CACNA2D1: variants seen among roughly 807,000 people sequenced by gnomAD.
CACNA2D1 encodes calcium voltage-gated channel auxiliary subunit alpha2delta 1.
A neutral mutation model predicts 171.5 loss-of-function variants in CACNA2D1; 53 were observed. That is an observed-to-expected ratio of 0.31 (90% CI 0.25 to 0.39). The LOEUF (loss-of-function observed/expected upper bound fraction) is 0.39. Among genes scored for constraint, CACNA2D1 ranks in the 10% least tolerant of loss-of-function variants. CACNA2D1 has a pLI of 1.00. For missense variants in CACNA2D1, 903 were observed against 1,299.8 expected (o/e 0.69, Z 4.69); for synonymous variants, 442 against 443.1 (o/e 1.00, Z 0.03).
At chr7:82,219,416 T>C (rs553180149) in intron 3 of CACNA2D1, among the ~76,000 whole-genome samples, 1 of 152,238 alleles carries the variant, frequency 6.6e-6, no homozygotes, top group South Asian at 2.1e-4. Context: ...CCATTCCACA[T>C]CTACATTTCT....
At chr7:82,306,913 G>A (rs1585421840) in intron 3 of CACNA2D1, among the ~76,000 whole-genome samples, 1 of 149,756 alleles carries the variant, frequency 6.7e-6, no homozygotes, top group African/African-American at 2.4e-5. Flanking sequence ...AATCTCTCTT[G>A]GCAAAAACAA....
intron 1 of CACNA2D1, among the ~76,000 whole-genome samples, chr7:82,397,918 G>C (rs4140790): frequency 6.6e-5 from 10 of 152,010 alleles, no homozygotes; most frequent in Non-Finnish European, 1.3e-4. Context: ...AAGGGGAAAA[G>C]AGCAAACTGG....
intron 1 of CACNA2D1, among the ~76,000 whole-genome samples, chr7:82,411,437 A>T (rs3779449): frequency 0.22 from 33,933 of 152,070 alleles, 4,122 homozygotes; most frequent in East Asian, 0.46. Flanking sequence ...TATAAGCAAA[A>T]CACTACCATA....
rs181179721 is a variant in CACNA2D1, at chr7:82,253,966, A to T, written c.294+81169T>A. ...GATTCTGTGCTTGAGGAGTGTTTCT[A>T]TTCCAACTTAAAAACAAAGCATTAA... is the stretch of plus-strand genomic sequence containing the variant. On this transcript the variant is annotated intron_variant, in intron 3 of 38. Coordinates refer to ENST00000356860, the MANE Select transcript of CACNA2D1 (RefSeq NM_000722.4). 1.4e-3 allele frequency among the ~76,000 whole-genome samples: 210 copies of T among 152,282 alleles called. No homozygotes were observed. The Middle Eastern group carries it at 0.017, about 12-fold the overall frequency.
intron 1 of CACNA2D1, among the ~76,000 whole-genome samples, chr7:82,377,123 G>A (rs1823105309): frequency 6.6e-6 from 1 of 152,144 alleles, no homozygotes; most frequent in African/African-American, 2.4e-5. Context: ...AGGAAAATCT[G>A]GATGAATTGT....
At chr7:82,102,137 G>A (rs1427010620) in intron 6 of CACNA2D1, among the ~76,000 whole-genome samples, 1 of 151,926 alleles carries the variant, frequency 6.6e-6, no homozygotes, top group African/African-American at 2.4e-5. Flanking sequence ...GGACTAAAGA[G>A]AAAAAGGATA....
intron 1 of CACNA2D1, among the ~76,000 whole-genome samples, chr7:82,432,685 A>G (rs1829793056): frequency 6.6e-6 from 1 of 152,310 alleles, no homozygotes; most frequent in Admixed American, 6.5e-5. Context: ...TTTTCTTGAC[A>G]AGGATCTGTT....
intron 1 of CACNA2D1, among the ~76,000 whole-genome samples, chr7:82,368,061 G>T (rs1376927713): frequency 6.6e-6 from 1 of 152,112 alleles, no homozygotes; most frequent in East Asian, 1.9e-4. Flanking sequence ...GTAATCAAGA[G>T]TAATGATCTC....
At chr7:81,967,255 TTAATTA>T (rs772226248) in intron 30 of CACNA2D1, 48 bp from the exon 31 acceptor site, 15 of 1,367,770 alleles carry the variant, frequency 1.1e-5, no homozygotes, top group Non-Finnish European at 1.5e-5. Context: ...AAGTTGGATT[TTAATTA>T]TATTATTACC....
rs896240260 is a variant in CACNA2D1, at chr7:82,092,964, A to T, written c.527-8064T>A. On this transcript the variant is annotated intron_variant, in intron 6 of 38. Transcript: ENST00000356860. ...ATAGAAGAATGAATATGCAATTAAG[A>T]CCAAATTTAAAGGACTCCAAATTAA... 2.0e-5 allele frequency among the ~76,000 whole-genome samples: 3 copies of T among 152,090 alleles called. No individual in the cohort carries two copies. The South Asian group carries it at 6.2e-4, about 32-fold the overall frequency.
rs1264458945 is a variant in CACNA2D1 at position 82,111,422 on chromosome 7, A to ATGTGTG, written c.526+5616_526+5621dup. On this transcript the variant is annotated intron_variant, in intron 6 of 38. Coordinates refer to ENST00000356860, the MANE Select transcript of CACNA2D1 (RefSeq NM_000722.4). ...TATATATATTCATATATGTGTATAT[A>ATGTGTG]TGTGTGTATATATATATATATATTT... 7.4e-3 allele frequency among the ~76,000 whole-genome samples: 532 copies of ATGTGTG among 71,648 alleles called. 19 individuals carry two copies. Among genetic ancestry groups the ATGTGTG allele is most frequent in the African/African-American group, 0.027 (507 of 19,036 alleles). 47.0% of individuals were successfully genotyped at this position (71,648 alleles called of 152,430 possible).
chr7:82,276,281 AG>A (rs1809313747), intron 3 of CACNA2D1, among the ~76,000 whole-genome samples: 1 of 152,232 alleles, frequency 6.6e-6, no homozygotes, highest in Non-Finnish European at 1.5e-5. Context: ...TTCACATCCA[AG>A]TAGAGAAATC....
intron 1 of CACNA2D1, among the ~76,000 whole-genome samples, chr7:82,390,071 C>G (rs1585772053): frequency 6.6e-6 from 1 of 152,198 alleles, no homozygotes; most frequent in Non-Finnish European, 1.5e-5. Flanking sequence ...AGCTCATATT[C>G]CAGAAATCTG....
At chr7:82,295,407 G>T (rs1003900192) in intron 3 of CACNA2D1, among the ~76,000 whole-genome samples, 1 of 151,282 alleles carries the variant, frequency 6.6e-6, no homozygotes, top group African/African-American at 2.4e-5. Flanking sequence ...CGCAATCACT[G>T]CTCATTGCAG....
chr7:82,260,335 T>A (rs938114689), intron 3 of CACNA2D1, among the ~76,000 whole-genome samples: 1 of 152,170 alleles, frequency 6.6e-6, no homozygotes, highest in Admixed American at 6.5e-5. Flanking sequence ...TTATTGATAA[T>A]CTCACTAGGA....
At chr7:82,428,638 C>T (rs557002406) in intron 1 of CACNA2D1, among the ~76,000 whole-genome samples, 39 of 152,214 alleles carry the variant, frequency 2.6e-4, no homozygotes, top group African/African-American at 8.9e-4. Flanking sequence ...CACTTTTCAC[C>T]CTTTGCTCAA....
intron 7 of CACNA2D1, among the ~76,000 whole-genome samples, chr7:82,076,011 C>G (rs1808922391): frequency 6.6e-6 from 1 of 152,062 alleles, no homozygotes; most frequent in South Asian, 2.1e-4. Context: ...TTTCATATTA[C>G]CAACCTGTTT....
intron 6 of CACNA2D1, among the ~76,000 whole-genome samples, chr7:82,105,967 G>A (rs1342738896): frequency 1.3e-5 from 2 of 152,066 alleles, no homozygotes; most frequent in Non-Finnish European, 2.9e-5. Context: ...AACTCAGGTA[G>A]TATTTTTTTA....
intron 38 of CACNA2D1, among the ~76,000 whole-genome samples, chr7:81,953,338 T>G (rs1936220789): frequency 6.6e-6 from 1 of 152,090 alleles, no homozygotes. Flanking sequence ...CATTCTTTAT[T>G]GAGGTCTACA....
Sources: allele counts gnomAD v4.1 joint callset (sites outside exome capture counted in the v4.1 genomes callset), GRCh38; gene constraint gnomAD v4.1.1; transcripts MANE v1.5; gene names NCBI Gene and HGNC (gene_info 2026-07-23, HGNC 2026-07-21).